NKIRAS1: variants seen among roughly 807,000 people sequenced by gnomAD.
The protein encoded by NKIRAS1 is NF-kappa-B inhibitor-interacting Ras-like protein 1.
A neutral mutation model predicts 19.8 loss-of-function variants in NKIRAS1; 16 were observed. That is an observed-to-expected ratio of 0.81 (90% confidence interval 0.55 to 1.23). The LOEUF is 1.23. Among genes scored for constraint, NKIRAS1 ranks in the 50% most tolerant of loss-of-function variants. NKIRAS1 has a pLI of 0.00. For missense variants in NKIRAS1, 184 were observed against 220.0 expected, an observed-to-expected ratio of 0.84 and a Z score of 1.04; for synonymous variants, 88 against 79.0, an observed-to-expected ratio of 1.11 and a Z score of -0.61.
At chr3:23,937,304 G>C (rs927296319) in intron 1 of NKIRAS1, among the ~76,000 whole-genome samples, 8 of 151,956 alleles carry the variant, frequency 5.3e-5, no homozygotes, top group African/African-American at 1.9e-4. Flanking sequence ...CTGGGAGGAG[G>C]AGAGATGGAG....
intron 1 of NKIRAS1, among the ~76,000 whole-genome samples, chr3:23,912,741 C>T (rs1207665056): frequency 1.3e-5 from 2 of 152,234 alleles, no homozygotes; most frequent in East Asian, 3.9e-4. Context: ...CACATGCACA[C>T]GTATGTTTAA....
intron 1 of NKIRAS1, chr3:23,945,665 G>T (rs989733114): frequency 1.9e-6 from 2 of 1,042,580 alleles, no homozygotes; most frequent in African/African-American, 1.7e-5. Context: ...CACTTTGGGG[G>T]GCGGCGGCAG....
At chr3:23,943,339 T>C (rs1034763349) in intron 1 of NKIRAS1, among the ~76,000 whole-genome samples, 2 of 152,100 alleles carry the variant, frequency 1.3e-5, no homozygotes, top group African/African-American at 4.8e-5. Context: ...TTCAAGCGAT[T>C]CTCCTGCCTC....
At chr3:23,937,437 CAATG>C (rs1705416324) in intron 1 of NKIRAS1, among the ~76,000 whole-genome samples, 1 of 152,142 alleles carries the variant, frequency 6.6e-6, no homozygotes, top group Non-Finnish European at 1.5e-5. Flanking sequence ...GAGGAATTCT[CAATG>C]AAGTATTTTC....
upstream of NKIRAS1, chr3:23,917,812 A>C (rs768345275): frequency 1.3e-6 from 2 of 1,562,038 alleles, no homozygotes; most frequent in East Asian, 4.5e-5. Context: ...TATTGTACTT[A>C]AAGCGGATGA....
At chr3:23,920,164 G>A (rs1268881569), upstream of NKIRAS1, 5 of 985,672 alleles carry the variant, frequency 5.1e-6, no homozygotes, top group Non-Finnish European at 6.0e-6. Context: ...TGAGCCAGTG[G>A]CCATTAGATA....
chr3:23,942,796 T>G (rs1355954454), intron 1 of NKIRAS1, among the ~76,000 whole-genome samples: 1 of 152,146 alleles, frequency 6.6e-6, no homozygotes, highest in African/African-American at 2.4e-5. Context: ...TCACCCAGAC[T>G]GGAATGCACT....
Position 23,914,997 on chromosome 3 carries a change from C to T in NKIRAS1, c.-140+1787G>A, listed in dbSNP as rs35693812. ...CCATTTTCATCACTACTGAAGTGGT[C>T]TGGGTGAGGCACCATGTTCTCTCAC... On this transcript the variant is annotated intron_variant, in intron 1 of 4. Transcript: ENST00000425478. Among the ~76,000 whole-genome samples the T allele has an allele frequency of 4.6e-3, 702 of 152,336 alleles. 4 individuals are homozygous for T. Among genetic ancestry groups the T allele is most frequent in the Non-Finnish European group, 7.5e-3 (510 of 68,038 alleles).
At chr3:23,943,744 G>A (rs911787525) in intron 1 of NKIRAS1, among the ~76,000 whole-genome samples, 8 of 152,222 alleles carry the variant, frequency 5.3e-5, no homozygotes, top group Non-Finnish European at 1.2e-4. Context: ...CATCACATGA[G>A]GGTGATAAAT....
intron 1 of NKIRAS1, among the ~76,000 whole-genome samples, chr3:23,934,313 A>C (rs1705359948): frequency 6.6e-6 from 1 of 152,200 alleles, no homozygotes; most frequent in South Asian, 2.1e-4. Context: ...ACCAAAACCA[A>C]AAGCCAAAAA....
At chr3:23,919,168 T>C (rs1424304000), upstream of NKIRAS1, 1 of 1,530,062 alleles carries the variant, frequency 6.5e-7, no homozygotes, top group Admixed American at 1.7e-5. Flanking sequence ...TGTGGGAGAT[T>C]GACCTTGGGC....
In NKIRAS1 at chr3:23,893,172, GTT is replaced by G. The variant is rs765604747; in HGVS notation, c.500_501del (p.Lys167ThrfsTer22). The G allele has an allele frequency of 6.2e-7, 1 of 1,612,740 alleles. No homozygotes were observed. The highest frequency in any genetic ancestry group is 2.2e-5 in the East Asian group (1 of 44,834). ...CTTGATTTGCTCTGGGGTTGAGAAA[GTT>G]TACTGGCTAATAAAGTGAATGGTTC... The part of the protein sequence containing the change: ...LIEPFTLLAS[K>X]LSQPQSKSSF... On this transcript the variant is annotated frameshift_variant, in exon 5 of 5. Coordinates refer to ENST00000425478, the MANE Select transcript of NKIRAS1 (RefSeq NM_020345.4). LOFTEE classifies it high-confidence loss of function.
chr3:23,922,694 G>C lies in NKIRAS1; in HGVS notation c.-139-11244C>G, dbSNP rs1041439447. ...AGCCACTGCACGTGGCCAACTTAAA[G>C]TTTTTGATAGATAATACATTAACGT... On this transcript the variant is annotated intron_variant, in intron 1 of 4. Transcript: ENST00000421515. This position sits in a 1 kb window ranked among gnomAD's most constrained non-coding sequence, Gnocchi z 4.2. 1 of 152,180 alleles carries C rather than the reference G, an allele frequency of 6.6e-6. No individual in the cohort carries two copies. Among genetic ancestry groups the C allele is most frequent in the Non-Finnish European group, 1.5e-5 (1 of 68,048 alleles). 9.4% of individuals were successfully genotyped at this position (152,180 alleles called of 1,614,324 possible). A position where few individuals can be genotyped will look rare whatever the true frequency, so the allele number is the denominator to read the frequency against.
rs143799784 is a variant in NKIRAS1 at position 23,911,017 on chromosome 3, C to A, written c.-17-96G>T. 2.1e-5 allele frequency: 19 copies of A among 903,236 alleles called. No homozygotes were observed. In the African/African-American group the frequency reaches 2.8e-4, roughly 14 times the overall value. 56.0% of individuals were successfully genotyped at this position (903,236 alleles called of 1,614,324 possible). On this transcript the variant is annotated intron_variant, in intron 2 of 4. Transcript: ENST00000425478. ...TTCAATTTAATATGTAACACATGCA[C>A]AGGGGAAATTTTCAAATACAGAAAA...
At chr3:23,937,263 C>A (rs1043470541) in intron 1 of NKIRAS1, among the ~76,000 whole-genome samples, 1 of 151,254 alleles carries the variant, frequency 6.6e-6, no homozygotes, top group African/African-American at 2.4e-5. Flanking sequence ...CCCAGCTACT[C>A]GGTAGGCTGA....
chr3:23,910,678 T>C, intron 3 of NKIRAS1, 133 bp downstream of exon 3: 1 of 650,120 alleles, frequency 1.5e-6, no homozygotes. Context: ...TTCTTACCTC[T>C]TAATCTCTTT....
intron 3 of NKIRAS1, 143 bp from the exon 4 acceptor site, chr3:23,901,192 T>A: frequency 1.0e-6 from 1 of 999,376 alleles, no homozygotes; most frequent in Non-Finnish European, 1.4e-6. Flanking sequence ...TTTTTTTTTT[T>A]TTTTGAAACA....
chr3:23,936,096 A>G (rs1705388578), intron 1 of NKIRAS1, among the ~76,000 whole-genome samples: 1 of 149,970 alleles, frequency 6.7e-6, no homozygotes, highest in Non-Finnish European at 1.5e-5. Context: ...AAAAAAAAAA[A>G]AAAAAAAAAA....
chr3:23,909,255 C>T (rs1396948571), intron 3 of NKIRAS1, among the ~76,000 whole-genome samples: 1 of 152,216 alleles, frequency 6.6e-6, no homozygotes, highest in East Asian at 1.9e-4. Context: ...GGCGCAGTGG[C>T]TCACGCCTGT....
Sources: allele counts gnomAD v4.1 joint callset (sites outside exome capture counted in the v4.1 genomes callset), GRCh38; gene constraint gnomAD v4.1.1; non-coding constraint Gnocchi (gnomAD v3.1); transcripts MANE v1.5; gene names NCBI Gene and HGNC (gene_info 2026-07-23, HGNC 2026-07-21).